The following SMC1A variants were observed in gnomAD, a reference collection of about 807,000 sequenced individuals.
SMC1A encodes the protein structural maintenance of chromosomes 1A.
A neutral mutation model predicts 94.5 loss-of-function variants in SMC1A; 4 were observed. The observed-to-expected ratio is 0.04, with a 90% confidence interval of 0.02 to 0.10. The LOEUF (loss-of-function observed/expected upper bound fraction) is 0.10. SMC1A is among the 10% of genes least tolerant of loss of function. The pLI is 1.00. For missense variants in SMC1A, 304 were observed against 989.0 expected, an observed-to-expected ratio of 0.31 and a Z score of 9.29; for synonymous variants, 345 against 347.7, an observed-to-expected ratio of 0.99 and a Z score of 0.09.
intron 1 of SMC1A, among the ~76,000 whole-genome samples, chrX:53,420,440 C>T (rs782787459): frequency 1.8e-5 from 2 of 108,556 alleles, no homozygotes; most frequent in Non-Finnish European, 3.8e-5. Flanking sequence ...ACGAGAATCA[C>T]TTGAACCCAA....
At chrX:53,404,027 T>C in intron 13 of SMC1A, 134 bp from the exon 14 acceptor site, 2 of 529,617 alleles carry the variant, frequency 3.8e-6, no homozygotes, top group Middle Eastern at 1.0e-3. Context: ...ACTACTGCCC[T>C]AGTCAAGCCT....
At chrX:53,396,413 A>C (rs2075651422) in intron 17 of SMC1A, 33 bp from the exon 18 acceptor site, 4 of 1,208,568 alleles carry the variant, frequency 3.3e-6, no homozygotes, top group Non-Finnish European at 3.4e-6. Context: ...GTGAGACCCA[A>C]ATCTGGCAGG....
At chrX:53,397,067 T>G (rs1345964428) in intron 16 of SMC1A, among the ~76,000 whole-genome samples, 2 of 110,532 alleles carry the variant, frequency 1.8e-5, no homozygotes, top group African/African-American at 6.6e-5. Flanking sequence ...TGTTGTTGTT[T>G]TTTTTTTAAA....
At chrX:53,397,815 T>C (rs1382938773) in intron 16 of SMC1A, among the ~76,000 whole-genome samples, 1 of 111,293 alleles carries the variant, frequency 9.0e-6, no homozygotes, top group Non-Finnish European at 1.9e-5. Flanking sequence ...TACATATATG[T>C]AATATCCCAA....
In SMC1A at chrX:53,402,868, C is replaced by CAAAAAAAA. The variant is rs151144282; in HGVS notation, c.2420+690_2420+697dup. ...TGGGCGACAGAGCAAGACTCTGTCT[C>CAAAAAAAA]AAAAAAAAAAAAAAAAAGGGCCGGC... On this transcript the variant is annotated intron_variant, in intron 15 of 24. Transcript: ENST00000322213. 4.5e-3 allele frequency among the ~76,000 whole-genome samples: 45 copies of CAAAAAAAA among 10,080 alleles called. 15 individuals carry two copies. The highest frequency in any genetic ancestry group is 0.015 in the Admixed American group (7 of 472). The allele number at this position is 10,080 out of a possible 115,157, so 8.8% of individuals were successfully genotyped here.
At chrX:53,386,773 A>C (rs1051195701) in intron 19 of SMC1A, among the ~76,000 whole-genome samples, 1 of 111,789 alleles carries the variant, frequency 8.9e-6, no homozygotes, top group Non-Finnish European at 1.9e-5. Flanking sequence ...AAAAAATCAA[A>C]ATGCTAAAAA....
At chrX:53,420,659 G>A (rs1395422332) in intron 1 of SMC1A, among the ~76,000 whole-genome samples, 6 of 112,029 alleles carry the variant, frequency 5.4e-5, no homozygotes, top group African/African-American at 1.9e-4. Flanking sequence ...CATCACAGCA[G>A]GACTAGCACA....
chrX:53,380,954 G>C (rs2075580081), intron 23 of SMC1A, 64 bp downstream of exon 23: 1 of 961,415 alleles, frequency 1.0e-6, no homozygotes. Flanking sequence ...CTCAGGAGTT[G>C]CTCCCTGAAA....
chrX:53,422,367 G>T (rs1476546233), intron 1 of SMC1A, 125 bp downstream of exon 1: 1 of 530,188 alleles, frequency 1.9e-6, no homozygotes, highest in Admixed American at 2.6e-5. Context: ...ACCCCCTCTG[G>T]ACGGGCAAGG....
rs782429623 is a variant in SMC1A, at chrX:53,413,735, C to T, written c.412-300G>A. 4.5e-5 allele frequency among the ~76,000 whole-genome samples: 5 copies of T among 111,364 alleles called. No individual in the cohort carries two copies. In the East Asian group the frequency reaches 8.4e-4, roughly 19 times the overall value. On this transcript the variant is annotated intron_variant, in intron 3 of 24. Transcript: ENST00000322213. ...ATCTCAGAAGGCTTCCCAAAGGTGA[C>T]ATCTGTGCTGAGTTTGGAAGCTGGA...
rs1438261459 is a variant in SMC1A at position 53,386,248 on chromosome X, T to C, written c.2974-2995A>G. ...GGGACATTTTCCAAGAAAACTCTCA[T>C]AGACTCTTTAAAAGATCAATGCCAT... On this transcript the variant is annotated intron_variant, in intron 19 of 24. Coordinates refer to ENST00000322213, the MANE Select transcript of SMC1A (RefSeq NM_006306.4). 3.6e-5 allele frequency among the ~76,000 whole-genome samples: 4 copies of C among 111,289 alleles called. No homozygotes were observed. The Admixed American group carries it at 3.8e-4, about 11-fold the overall frequency.
chrX:53,411,665 C>T (rs782791310), intron 7 of SMC1A, 96 bp downstream of exon 7: 22 of 1,015,438 alleles, frequency 2.2e-5, no homozygotes, highest in East Asian at 3.0e-5. Context: ...GGACCGGAAA[C>T]GTTTCAGATT....
Position 53,411,725 on chromosome X carries a change from T to A in SMC1A, c.1254+36A>T, listed in dbSNP as rs1556890548. ...CTCAACCTATATATATCCTTTTCTG[T>A]GGACCATCATCCCTAATCTTATAAC... On this transcript the variant is annotated intron_variant, in intron 7 of 24. Transcript: ENST00000322213. 8.3e-6 allele frequency: 10 copies of A among 1,199,257 alleles called. No homozygotes were observed. In the South Asian group the frequency reaches 1.8e-4, roughly 21 times the overall value.
chrX:53,404,992 G>T lies in SMC1A; in HGVS notation c.2196+20C>A. The T allele has an allele frequency of 6.7e-6, 8 of 1,188,982 alleles. No homozygotes were observed. The highest frequency in any genetic ancestry group is 6.8e-6 in the Non-Finnish European group (6 of 885,034). ...TGTGTGGATGGCCTTTGGAGAACAG[G>T]GCTGAAGGCCAGGCCCCACCTGCAG... On this transcript the variant is annotated intron_variant, in intron 13 of 24. Transcript: ENST00000322213.
At chrX:53,387,939 G>GAA (rs782230342) in intron 19 of SMC1A, among the ~76,000 whole-genome samples, 5 of 109,348 alleles carry the variant, frequency 4.6e-5, no homozygotes, top group Non-Finnish European at 7.6e-5. Flanking sequence ...ATAAAGGGGG[G>GAA]AAAAAATCAA....
intron 20 of SMC1A, 31 bp downstream of exon 20, chrX:53,383,066 T>G (rs371505453): frequency 4.2e-6 from 5 of 1,195,513 alleles, no homozygotes; most frequent in Non-Finnish European, 5.7e-6. Context: ...CTTGTCCTCA[T>G]CGTAGGCCCA....
At chrX:53,415,195 G>A in intron 1 of SMC1A, 26 bp from the exon 2 acceptor site, 1 of 1,159,208 alleles carries the variant, frequency 8.6e-7, no homozygotes, top group Non-Finnish European at 1.2e-6. Context: ...CGAGGCAGTA[G>A]AGGGAAAGTC....
chrX:53,418,566 C>CG (rs2075741361), intron 1 of SMC1A, among the ~76,000 whole-genome samples: 1 of 112,173 alleles, frequency 8.9e-6, no homozygotes, highest in Non-Finnish European at 1.9e-5. Flanking sequence ...TCCCAAGTAG[C>CG]GGGAAGCATG....
At position 53,422,520 on chromosome X, in the gene SMC1A, G is replaced by A. The variant is rs2075764568; in HGVS notation, c.81C>T (p.Phe27=). 1 of 1,200,744 alleles carries A rather than the reference G, an allele frequency of 8.3e-7. No individual in the cohort carries two copies. Among genetic ancestry groups the A allele is most frequent in the Non-Finnish European group, 1.1e-6 (1 of 886,166 alleles). The change falls in exon 1 of 25, where the codon TTC becomes TTT. Residue 27 remains phenylalanine (F), a synonymous_variant. Coordinates refer to ENST00000322213, the MANE Select transcript of SMC1A (RefSeq NM_006306.4). ...GRQIIGPFQR[F]TAIIGPNGSG... ...AGCCATTGGGTCCAATGATGGCGGT[G>A]AACCTCTGAAATGGTCCGATAATCT...
Sources: gnomAD v4.1 joint callset for allele counts (sites outside exome capture counted in the v4.1 genomes callset) on GRCh38, gnomAD v4.1.1 for gene constraint, MANE v1.5 for transcripts, NCBI Gene and HGNC (gene_info 2026-07-23, HGNC 2026-07-21) for gene names.